NAALADL2: variants seen among roughly 807,000 people sequenced by gnomAD.
NAALADL2 encodes the protein inactive N-acetylated-alpha-linked acidic dipeptidase-like protein 2.
A neutral mutation model predicts 87.2 loss-of-function variants in NAALADL2; 76 were observed. The ratio of observed to expected loss-of-function variants is 0.87; its 90% confidence interval spans 0.72 to 1.05. The LOEUF is 1.05. Among genes scored for constraint, NAALADL2 ranks in the 50% least tolerant of loss-of-function variants. The pLI, the probability that NAALADL2 is intolerant of heterozygous loss-of-function variation, is 0.00. For synonymous variants in NAALADL2, 354 were observed against 331.0 expected (o/e 1.07, Z -0.75); for missense variants, 1,089 against 945.8 (o/e 1.15, Z -1.99).
intron 3 of NAALADL2, among the ~76,000 whole-genome samples, chr3:174,851,586 A>G (rs996649899): frequency 1.3e-5 from 2 of 152,118 alleles, no homozygotes; most frequent in African/African-American, 4.8e-5. Context: ...TATATCTGGA[A>G]CAGACCAATA....
chr3:174,544,326 A>G (rs1652591126), intron 1 of NAALADL2, among the ~76,000 whole-genome samples: 1 of 152,118 alleles, frequency 6.6e-6, no homozygotes. Flanking sequence ...TGTGTTTGTT[A>G]AATTAGTGGT....
At chr3:175,396,170 G>C (rs886125557) in intron 5 of NAALADL2, among the ~76,000 whole-genome samples, 1 of 152,098 alleles carries the variant, frequency 6.6e-6, no homozygotes, top group Non-Finnish European at 1.5e-5. Flanking sequence ...TATATAGTAT[G>C]AAAGATGAAT....
At chr3:174,712,358 T>A (rs1730724850) in intron 2 of NAALADL2, among the ~76,000 whole-genome samples, 1 of 149,414 alleles carries the variant, frequency 6.7e-6, no homozygotes. Flanking sequence ...TGTTCCCTAT[T>A]AACAGTCTCA....
At chr3:175,420,509 C>T (rs78000964) in intron 5 of NAALADL2, among the ~76,000 whole-genome samples, 8,465 of 152,026 alleles carry the variant, frequency 0.056, 256 homozygotes, top group South Asian at 0.077. Context: ...TTTGGAGTTT[C>T]CTTTGGAACA....
At chr3:175,081,477 A>G (rs1001125931) in intron 1 of NAALADL2, among the ~76,000 whole-genome samples, 1 of 152,112 alleles carries the variant, frequency 6.6e-6, no homozygotes, top group African/African-American at 2.4e-5. Context: ...GTGAAACTCA[A>G]ATGTCATGGT....
chr3:174,905,639 CA>C, intron 1 of NAALADL2, among the ~76,000 whole-genome samples: 1 of 152,066 alleles, frequency 6.6e-6, no homozygotes, highest in South Asian at 2.1e-4. Context: ...TTTAACAAAG[CA>C]AAACATTTTA....
chr3:174,750,976 T>G (rs1734765355), intron 3 of NAALADL2, among the ~76,000 whole-genome samples: 1 of 152,104 alleles, frequency 6.6e-6, no homozygotes, highest in Admixed American at 6.5e-5. Flanking sequence ...ATATATTCTA[T>G]AAGTGCAATT....
intron 6 of NAALADL2, among the ~76,000 whole-genome samples, chr3:175,454,407 T>C (rs1722027391): frequency 6.6e-6 from 1 of 152,088 alleles, no homozygotes; most frequent in South Asian, 2.1e-4. Context: ...TCAGGTAACT[T>C]TCTTTGCAGT....
chr3:174,498,358 A>G (rs931057501), intron 1 of NAALADL2, among the ~76,000 whole-genome samples: 1 of 151,978 alleles, frequency 6.6e-6, no homozygotes, highest in African/African-American at 2.4e-5. Flanking sequence ...TGTATTAATC[A>G]TTTATGTTTA....
chr3:175,048,955 A>G (rs1755021644), intron 1 of NAALADL2, among the ~76,000 whole-genome samples: 1 of 152,060 alleles, frequency 6.6e-6, no homozygotes. Flanking sequence ...CCTAAGCTTT[A>G]TTTTCTCTAT....
chr3:175,506,940 G>T (rs1198680686), intron 9 of NAALADL2, among the ~76,000 whole-genome samples: 1 of 152,030 alleles, frequency 6.6e-6, no homozygotes, highest in African/African-American at 2.4e-5. Flanking sequence ...ACATGCACGG[G>T]ACATGTCAGC....
At chr3:174,769,577 A>T (rs989095099) in intron 3 of NAALADL2, among the ~76,000 whole-genome samples, 1 of 151,434 alleles carries the variant, frequency 6.6e-6, no homozygotes, top group South Asian at 2.1e-4. Flanking sequence ...AATTATTTTT[A>T]TTTTTATTTT....
At chr3:175,150,836 A>C (rs536150057) in intron 2 of NAALADL2, among the ~76,000 whole-genome samples, 2 of 152,304 alleles carry the variant, frequency 1.3e-5, no homozygotes, top group African/African-American at 4.8e-5. Flanking sequence ...GGTGTCAAAT[A>C]CGCAGTAGTG....
chr3:175,320,002 A>C (rs2110385215), intron 4 of NAALADL2, among the ~76,000 whole-genome samples: 1 of 152,326 alleles, frequency 6.6e-6, no homozygotes, highest in East Asian at 1.9e-4. Context: ...GTTAATACGC[A>C]ACATAAGCAG....
intron 1 of NAALADL2, among the ~76,000 whole-genome samples, chr3:174,866,629 G>C (rs187706127): frequency 6.6e-6 from 1 of 151,782 alleles, no homozygotes; most frequent in East Asian, 1.9e-4. Context: ...CATTTATTTT[G>C]GTTAATGAAG....
At position 175,711,606 on chromosome 3, in the gene NAALADL2, G is replaced by A. The variant is rs183239969; in HGVS notation, c.1897-25700G>A. Among the ~76,000 whole-genome samples the A allele has an allele frequency of 9.0e-4, 137 of 151,966 alleles. 1 individual carries two copies. The highest frequency in any genetic ancestry group is 1.3e-3 in the Non-Finnish European group (91 of 67,828). ...AATTAGTGTGCATCTCATATGTGAAGAAGAGTTTACTCAAATAATACATAA... is the reference window on the plus strand; with the variant it reads ...AATTAGTGTGCATCTCATATGTGAAAAAGAGTTTACTCAAATAATACATAA... On this transcript the variant is annotated intron_variant, in intron 11 of 13. Transcript: ENST00000454872.
intron 3 of NAALADL2, among the ~76,000 whole-genome samples, chr3:174,844,964 T>A (rs550971543): frequency 1.4e-5 from 2 of 147,928 alleles, no homozygotes; most frequent in Non-Finnish European, 3.0e-5. Flanking sequence ...GGTGGGGAAG[T>A]GGGACTGCCC....
intron 2 of NAALADL2, among the ~76,000 whole-genome samples, chr3:174,705,321 G>GT (rs1444527773): frequency 3.3e-5 from 5 of 152,118 alleles, no homozygotes; most frequent in Non-Finnish European, 5.9e-5. Context: ...GTAAGAATCA[G>GT]TTTTTTCTCA....
chr3:175,754,842 G>A (rs1418667541), intron 12 of NAALADL2, among the ~76,000 whole-genome samples: 1 of 152,168 alleles, frequency 6.6e-6, no homozygotes, highest in African/African-American at 2.4e-5. Context: ...TAAAGACATA[G>A]TGCCTGGAAT....
Sources: allele counts gnomAD v4.1 joint callset (sites outside exome capture counted in the v4.1 genomes callset), GRCh38; gene constraint gnomAD v4.1.1; transcripts MANE v1.5; gene names NCBI Gene and HGNC (gene_info 2026-07-23, HGNC 2026-07-21).